The following ROBO2 variants were observed in gnomAD, a reference collection of about 807,000 sequenced individuals.
ROBO2 encodes roundabout guidance receptor 2.
ROBO2 carries 53 observed loss-of-function variants against 160.8 expected under a neutral mutation model. That is an observed-to-expected ratio of 0.33 (90% CI 0.26 to 0.41). The LOEUF (loss-of-function observed/expected upper bound fraction) is 0.41. ROBO2 is among the 10% of genes least tolerant of loss of function. ROBO2 has a pLI of 1.00. For synonymous variants in ROBO2, 664 were observed against 611.7 expected, an observed-to-expected ratio of 1.09 and a Z score of -1.26; for missense variants, 1,577 against 1,722.4, an observed-to-expected ratio of 0.92 and a Z score of 1.49.
intron 2 of ROBO2, among the ~76,000 whole-genome samples, chr3:76,235,883 G>A (rs1229772264): frequency 6.6e-6 from 1 of 152,158 alleles, no homozygotes; most frequent in Non-Finnish European, 1.5e-5. Context: ...TTCTTTGGTG[G>A]AGAATTTTAA....
intron 2 of ROBO2, among the ~76,000 whole-genome samples, chr3:77,153,075 T>A (rs1349239642): frequency 1.3e-5 from 2 of 152,136 alleles, no homozygotes; most frequent in Non-Finnish European, 2.9e-5. Context: ...TGATCTGTAG[T>A]CTTTATTTCT....
chr3:76,057,109 C>T (rs2067874826), intron 2 of ROBO2, among the ~76,000 whole-genome samples: 1 of 152,130 alleles, frequency 6.6e-6, no homozygotes, highest in African/African-American at 2.4e-5. Context: ...GATTCCCTTC[C>T]TGTGTGTGTA....
intron 2 of ROBO2, among the ~76,000 whole-genome samples, chr3:76,515,095 A>G (rs1237100094): frequency 6.6e-6 from 1 of 152,202 alleles, no homozygotes; most frequent in Non-Finnish European, 1.5e-5. Flanking sequence ...TTCTACAATA[A>G]TAAACACTTG....
At chr3:77,271,006 T>C (rs1441720840) in intron 2 of ROBO2, among the ~76,000 whole-genome samples, 1 of 152,072 alleles carries the variant, frequency 6.6e-6, no homozygotes, top group Non-Finnish European at 1.5e-5. Context: ...TTTATGTATA[T>C]GATTTTATGA....
chr3:76,290,582 C>T (rs1248971809), intron 2 of ROBO2, among the ~76,000 whole-genome samples: 2 of 152,056 alleles, frequency 1.3e-5, no homozygotes, highest in Non-Finnish European at 2.9e-5. Context: ...GAAGAATGGA[C>T]ATTCTTTTCT....
chr3:76,069,296 C>T (rs1323321150), intron 2 of ROBO2, among the ~76,000 whole-genome samples: 2 of 152,132 alleles, frequency 1.3e-5, no homozygotes, highest in Non-Finnish European at 2.9e-5. Flanking sequence ...TTTTATTCTT[C>T]GATTATTTAA....
At chr3:76,726,503 C>A (rs1273566033) in intron 2 of ROBO2, among the ~76,000 whole-genome samples, 1 of 152,088 alleles carries the variant, frequency 6.6e-6, no homozygotes, top group Non-Finnish European at 1.5e-5. Flanking sequence ...CTTTTGTCTT[C>A]ACTTTTCTGA....
intron 2 of ROBO2, among the ~76,000 whole-genome samples, chr3:76,555,830 G>A (rs770801434): frequency 2.0e-5 from 3 of 151,980 alleles, no homozygotes; most frequent in African/African-American, 7.2e-5. Context: ...CCTATAATCC[G>A]AGCACTTTGG....
At chr3:75,979,355 A>G (rs1316714684) in intron 2 of ROBO2, among the ~76,000 whole-genome samples, 1 of 151,572 alleles carries the variant, frequency 6.6e-6, no homozygotes, top group African/African-American at 2.4e-5. Flanking sequence ...TTAATTGTAT[A>G]CTAATTATCT....
intron 23 of ROBO2, chr3:77,633,663 T>C (rs1313777957): frequency 6.6e-6 from 1 of 152,204 alleles, no homozygotes; most frequent in Non-Finnish European, 1.5e-5. Flanking sequence ...ACCATCAATA[T>C]TTCTTTTAAG....
chr3:75,931,072 A>G (rs1407175644), intron 1 of ROBO2, among the ~76,000 whole-genome samples: 1 of 152,172 alleles, frequency 6.6e-6, no homozygotes, highest in East Asian at 1.9e-4. Flanking sequence ...AGTTTCACAT[A>G]TCTTTCTCTT....
intron 2 of ROBO2, among the ~76,000 whole-genome samples, chr3:76,751,865 A>G (rs2060672747): frequency 6.6e-6 from 1 of 152,164 alleles, no homozygotes; most frequent in Non-Finnish European, 1.5e-5. Flanking sequence ...TAGTTCAACC[A>G]TTGTGGAAGA....
intron 2 of ROBO2, among the ~76,000 whole-genome samples, chr3:76,886,105 T>G (rs759228575): frequency 6.6e-6 from 1 of 152,198 alleles, no homozygotes; most frequent in Non-Finnish European, 1.5e-5. Flanking sequence ...TGTTGACAGC[T>G]TGGGAATGCA....
chr3:76,703,288 T>C (rs1416490121), intron 2 of ROBO2, among the ~76,000 whole-genome samples: 1 of 152,232 alleles, frequency 6.6e-6, no homozygotes, highest in Admixed American at 6.6e-5. Flanking sequence ...TTTCTTACAC[T>C]CTCTATTGTA....
At chr3:77,597,600 C>T (rs148599645) in intron 19 of ROBO2, among the ~76,000 whole-genome samples, 4 of 152,178 alleles carry the variant, frequency 2.6e-5, no homozygotes, top group African/African-American at 9.6e-5. Flanking sequence ...GCTTAAACTG[C>T]CTTGCCAGAA....
intron 2 of ROBO2, among the ~76,000 whole-genome samples, chr3:76,917,762 G>C (rs941125279): frequency 1.3e-5 from 2 of 151,124 alleles, no homozygotes; most frequent in Non-Finnish European, 2.9e-5. Context: ...AAATGTCTAA[G>C]ATCTTAAGCT....
In ROBO2 at chr3:76,203,661, C is replaced by G. The variant is rs931776216; in HGVS notation, c.109+266059C>G. Among the ~76,000 whole-genome samples the G allele has an allele frequency of 2.7e-5, 4 of 147,444 alleles. No individual in the cohort carries two copies. The East Asian group carries it at 5.8e-4, about 22-fold the overall frequency. On this transcript the variant is annotated intron_variant, in intron 2 of 26. Transcript: ENST00000487694. Reference sequence around the variant, plus strand: ...AGATTGCCTCAGGCTATCGGCTTCCCGGTCAACAGATCACAGGTCACGGTT... The same window carrying G: ...AGATTGCCTCAGGCTATCGGCTTCCGGGTCAACAGATCACAGGTCACGGTT...
intron 2 of ROBO2, among the ~76,000 whole-genome samples, chr3:77,457,622 A>G (rs558215133): frequency 6.6e-6 from 1 of 152,240 alleles, no homozygotes; most frequent in Admixed American, 6.5e-5. Context: ...TTTTGCTACA[A>G]ATCTCGACCC....
In ROBO2 at chr3:76,400,527, T is replaced by C. The variant is rs1332607255; in HGVS notation, c.109+462925T>C. Among the ~76,000 whole-genome samples, 5 of 151,520 alleles carry C rather than the reference T, an allele frequency of 3.3e-5. No homozygotes were observed. The East Asian group carries it at 5.8e-4, about 18-fold the overall frequency. On this transcript the variant is annotated intron_variant, in intron 2 of 26. Transcript: ENST00000487694. ...GAAATACAATTACTACAAAGAAACA[T>C]ACAGGACAAATTGCTTTAACAAATG...
Sources: allele counts gnomAD v4.1 joint callset (sites outside exome capture counted in the v4.1 genomes callset), GRCh38; gene constraint gnomAD v4.1.1; transcripts MANE v1.5; gene names NCBI Gene and HGNC (gene_info 2026-07-23, HGNC 2026-07-21).